TRPV1: variants seen among roughly 807,000 people sequenced by gnomAD.
TRPV1 encodes the protein OTRPC1.
TRPV1 carries 82 observed loss-of-function variants against 82.3 expected under a neutral mutation model. The ratio of observed to expected loss-of-function variants is 1.00; its 90% CI spans 0.83 to 1.20. The LOEUF (loss-of-function observed/expected upper bound fraction) is 1.20. Ranked by LOEUF, TRPV1 falls within the 50% of genes most tolerant of loss-of-function variation. The pLI, the probability that TRPV1 is intolerant of heterozygous loss-of-function variation, is 0.00. For missense variants in TRPV1, 1,067 were observed against 1,096.8 expected, an observed-to-expected ratio of 0.97 and a Z score of 0.38; for synonymous variants, 515 against 467.7, an observed-to-expected ratio of 1.10 and a Z score of -1.30.
chr17:3,577,832 G>A, intron 11 of TRPV1, 69 bp from the exon 12 acceptor site: 2 of 1,471,136 alleles, frequency 1.4e-6, no homozygotes, highest in Non-Finnish European at 1.9e-6. Flanking sequence ...AGAACAAAAG[G>A]TCACAGGCCG....
chr17:3,580,336 T>C, intron 11 of TRPV1, 121 bp downstream of exon 11: 1 of 982,380 alleles, frequency 1.0e-6, no homozygotes, highest in Non-Finnish European at 1.6e-6. Flanking sequence ...CTTCCGTCAT[T>C]CCCTCAGCAT....
chr17:3,602,009 T>C (rs949376125), intron 2 of TRPV1: 1 of 152,148 alleles, frequency 6.6e-6, no homozygotes, highest in African/African-American at 2.4e-5. Context: ...TGAATATGTG[T>C]TGAGTGCGTA....
At chr17:3,593,970 A>T (rs1371770490) in intron 2 of TRPV1, among the ~76,000 whole-genome samples, 1 of 151,914 alleles carries the variant, frequency 6.6e-6, no homozygotes, top group Non-Finnish European at 1.5e-5. Flanking sequence ...ACTAAAAAAA[A>T]TACAAAAATT....
Position 3,573,723 on chromosome 17 carries a change from G to A in TRPV1, c.2013C>T (p.Thr671=). 1 of 1,614,058 alleles carries A rather than the reference G, an allele frequency of 6.2e-7. No individual in the cohort carries two copies. The highest frequency in any genetic ancestry group is 8.5e-7 in the Non-Finnish European group (1 of 1,179,992). The change falls in exon 14 of 17, where the codon ACC becomes ACT. Residue 671 remains threonine (T), a synonymous_variant. Coordinates refer to ENST00000572705, the MANE Select transcript of TRPV1 (RefSeq NM_080704.4). ...TGAGCATGTTGAGCAGGAGGATGTA[G>A]GTGAGAATTACATAGGCCAGCAGCA... ...IILLLAYVIL[T]YILLLNMLIA...
At chr17:3,600,983 T>G (rs1256000911) in intron 2 of TRPV1, among the ~76,000 whole-genome samples, 1 of 152,006 alleles carries the variant, frequency 6.6e-6, no homozygotes, top group East Asian at 1.9e-4. Context: ...CTGAGCTCCA[T>G]CCCTGCCTCC....
chr17:3,572,135 G>A lies in TRPV1; in HGVS notation c.2218C>T (p.Arg740Trp), dbSNP rs1408850756. ...GYTPDGKDDY[R>W]WCFRVDEVNW... is the part of the protein sequence containing the mutation. ...CCTGGGCATTACCTGAAGCACCACC[G>A]GTAGTCGTCCTTGCCATCAGGTGTG... Residue 740 changes from arginine to tryptophan, a missense_variant, in exon 15 of 17, where the codon CGG becomes TGG. Coordinates refer to ENST00000572705, the MANE Select transcript of TRPV1 (RefSeq NM_080704.4). 4 of 1,613,398 alleles carry A rather than the reference G, an allele frequency of 2.5e-6. No individual in the cohort carries two copies. The highest frequency in any genetic ancestry group is 1.7e-6 in the Non-Finnish European group (2 of 1,179,548).
In TRPV1 at chr17:3,577,614, G is replaced by A. The variant is rs867357535; in HGVS notation, c.1697C>T (p.Ala566Val). The part of the protein sequence containing the change: ...TRGFQQMGIY[A>V]VMIEKMILRD... Reference sequence around the variant, plus strand: ...GGAACCCACCTTCTCTATCATGACGGCATAGATGCCCATCTGCTGGAAACC... The same window carrying A: ...GGAACCCACCTTCTCTATCATGACGACATAGATGCCCATCTGCTGGAAACC... Residue 566 changes from alanine to valine, a missense_variant, in exon 12 of 17, where the codon GCC becomes GTC. Coordinates refer to ENST00000572705, the MANE Select transcript of TRPV1 (RefSeq NM_080704.4). 1.3e-6 allele frequency: 2 copies of A among 1,580,096 alleles called. No individual in the cohort carries two copies. The highest frequency in any genetic ancestry group is 1.7e-6 in the Non-Finnish European group (2 of 1,163,264).
intron 2 of TRPV1, among the ~76,000 whole-genome samples, chr17:3,596,374 G>C (rs1475691553): frequency 1.3e-5 from 2 of 152,220 alleles, no homozygotes; most frequent in African/African-American, 4.8e-5. Flanking sequence ...GAAGCTGGGA[G>C]AACGCTGGCC....
At chr17:3,602,911 C>T (rs1264095723) in intron 2 of TRPV1, among the ~76,000 whole-genome samples, 1 of 152,122 alleles carries the variant, frequency 6.6e-6, no homozygotes, top group Non-Finnish European at 1.5e-5. Flanking sequence ...CGCCTGAGGT[C>T]GGGAGTTCGA....
At chr17:3,589,746 C>T in intron 7 of TRPV1, 61 bp downstream of exon 7, 1 of 1,545,770 alleles carries the variant, frequency 6.5e-7, no homozygotes, top group Non-Finnish European at 8.7e-7. Context: ...GTGAGTCAGG[C>T]AGTCCTCTCC....
intron 5 of TRPV1, 27 bp from the exon 6 acceptor site, chr17:3,590,419 C>T (rs1457444852): frequency 1.1e-5 from 17 of 1,608,654 alleles, no homozygotes; most frequent in East Asian, 2.2e-5. Context: ...CGGTTGGCTT[C>T]GTGGTCACGG....
chr17:3,582,206 A>AAAAAAAAAAAAAAAAAAAAAAG (rs2075029872), intron 10 of TRPV1, among the ~76,000 whole-genome samples: 1 of 146,016 alleles, frequency 6.8e-6, no homozygotes, highest in Non-Finnish European at 1.5e-5. Flanking sequence ...AAAAAAAAAA[A>AAAAAAAAAAAAAAAAAAAAAAG]AAAAAAAATC....
At position 3,576,668 on chromosome 17, in the gene TRPV1, A is replaced by AAAAAAAAAAAAAAAAATAT; in HGVS notation, c.1780+457_1780+458insATATTTTTTTTTTTTTTTT. Among the ~76,000 whole-genome samples the AAAAAAAAAAAAAAAAATAT allele has an allele frequency of 1.4e-3, 54 of 38,388 alleles. No homozygotes were observed. The East Asian group carries it at 0.016, about 11-fold the overall frequency. The allele number at this position is 38,388 out of a possible 152,430, so 25.2% of individuals were successfully genotyped here. ...CTCTGTATGAGAAAAAAAAAAAAAAAATATATATATATATATATATATGCA... is the reference window on the plus strand; with the variant it reads ...CTCTGTATGAGAAAAAAAAAAAAAAAAAAAAAAAAAAAAAAATATATATATATATATATATATATATGCA... On this transcript the variant is annotated intron_variant, in intron 13 of 16. Coordinates refer to ENST00000572705, the MANE Select transcript of TRPV1 (RefSeq NM_080704.4).
intron 14 of TRPV1, among the ~76,000 whole-genome samples, chr17:3,572,984 G>GAAAAAAAA (rs137909617): frequency 2.8e-5 from 2 of 71,258 alleles, no homozygotes; most frequent in Non-Finnish European, 2.6e-5. Context: ...CTCCATCTCA[G>GAAAAAAAA]AAAAAAAAAA....
intron 3 of TRPV1, 89 bp downstream of exon 3, chr17:3,591,978 A>C: frequency 2.0e-6 from 3 of 1,496,826 alleles, no homozygotes; most frequent in Non-Finnish European, 2.7e-6. Flanking sequence ...TGGCTTTGTG[A>C]CATTTAGCCC....
rs113312273 is a variant in TRPV1, at chr17:3,596,729, C to T, written c.-33-4346G>A. On this transcript the variant is annotated intron_variant, in intron 2 of 16. Transcript: ENST00000572705. ...GCACCACAAGTTCGCTTCAGCCTCA[C>T]GACCACCTTTGAGGCAGCCACTCTT... Among the ~76,000 whole-genome samples, 1,114 of 152,326 alleles carry T rather than the reference C, an allele frequency of 7.3e-3. 10 individuals carry two copies. Among genetic ancestry groups the T allele is most frequent in the Non-Finnish European group, 0.011 (717 of 68,034 alleles).
At chr17:3,593,895 C>T (rs2075191435) in intron 2 of TRPV1, among the ~76,000 whole-genome samples, 1 of 152,122 alleles carries the variant, frequency 6.6e-6, no homozygotes, top group Non-Finnish European at 1.5e-5. Flanking sequence ...GAGGCCAAGG[C>T]AGGTGGATCA....
chr17:3,598,723 G>A (rs756391905), intron 2 of TRPV1, among the ~76,000 whole-genome samples: 5 of 151,472 alleles, frequency 3.3e-5, no homozygotes, highest in South Asian at 4.2e-4. Flanking sequence ...GTGCCACCAC[G>A]CCTGGCTAAT....
chr17:3,580,639 G>A, intron 10 of TRPV1, 112 bp from the exon 11 acceptor site: 1 of 1,135,870 alleles, frequency 8.8e-7, no homozygotes, highest in South Asian at 1.2e-5. Context: ...ATGTGTGAAA[G>A]CACAGATTGT....
Sources: gnomAD v4.1 joint callset for allele counts (sites outside exome capture counted in the v4.1 genomes callset) on GRCh38, gnomAD v4.1.1 for gene constraint, MANE v1.5 for transcripts, NCBI Gene and HGNC (gene_info 2026-07-23, HGNC 2026-07-21) for gene names.